The following SLMAP variants were observed in gnomAD, a reference collection of about 807,000 sequenced individuals.
The protein encoded by SLMAP is sarcolemma associated protein.
Under a neutral mutation model 128.8 loss-of-function variants are expected in SLMAP, and 44 were observed. The observed-to-expected ratio is 0.34, with a 90% CI of 0.27 to 0.44. The LOEUF (loss-of-function observed/expected upper bound fraction) is 0.44, where lower values mean the gene tolerates loss of function less well. Among genes scored for constraint, SLMAP ranks in the 20% least tolerant of loss-of-function variants. The pLI, the probability that SLMAP is intolerant of heterozygous loss-of-function variation, is 1.00. For missense variants in SLMAP, 787 were observed against 985.3 expected (o/e 0.80, Z 2.69); for synonymous variants, 327 against 348.8 (o/e 0.94, Z 0.70).
chr3:57,772,518 C>A (rs1362176054), intron 2 of SLMAP, among the ~76,000 whole-genome samples: 1 of 152,208 alleles, frequency 6.6e-6, no homozygotes, highest in Non-Finnish European at 1.5e-5. Flanking sequence ...TATACCTCAG[C>A]TTATAATGTT....
intron 13 of SLMAP, among the ~76,000 whole-genome samples, chr3:57,867,604 C>T (rs185058275): frequency 8.5e-5 from 13 of 152,098 alleles, no homozygotes; most frequent in Middle Eastern, 3.4e-3. Context: ...TAGATGTACA[C>T]GAAAACTTAG....
chr3:57,868,078 T>C (rs2095355230), intron 13 of SLMAP, among the ~76,000 whole-genome samples: 1 of 151,916 alleles, frequency 6.6e-6, no homozygotes, highest in African/African-American at 2.4e-5. Context: ...CCGAGCAACA[T>C]AGTGAGAACC....
At chr3:57,757,938 C>A in intron 2 of SLMAP, 89 bp downstream of exon 2, 1 of 1,146,834 alleles carries the variant, frequency 8.7e-7, no homozygotes, top group Non-Finnish European at 1.3e-6. Flanking sequence ...ATGCAGGATC[C>A]CAGGGTTTGC....
chr3:57,775,647 G>A (rs1302906977), intron 2 of SLMAP, among the ~76,000 whole-genome samples: 5 of 151,488 alleles, frequency 3.3e-5, no homozygotes, highest in Admixed American at 2.6e-4. Context: ...CTATGATCGC[G>A]CCACTGCACT....
At position 57,912,248 on chromosome 3, in the gene SLMAP, C is replaced by A. The variant is rs750026239; in HGVS notation, c.1700-133C>A. On this transcript the variant is annotated intron_variant, in intron 19 of 24. Coordinates refer to ENST00000671191, the MANE Select transcript of SLMAP (RefSeq NM_001377540.1). ...ATCTGTATTTTGACGCTTTCTGCAT[C>A]AAACGTGGATTGTTTATACACTTTA... 6.3e-6 allele frequency: 4 copies of A among 637,130 alleles called. No homozygotes were observed. The African/African-American group carries it at 7.2e-5, about 11-fold the overall frequency. 39.5% of individuals were successfully genotyped at this position (637,130 alleles called of 1,614,324 possible).
intron 15 of SLMAP, among the ~76,000 whole-genome samples, chr3:57,896,001 AAAAGGCTG>A (rs2096235985): frequency 6.6e-6 from 1 of 152,028 alleles, no homozygotes. Flanking sequence ...CTTTAGAAAT[AAAAGGCTG>A]TTAATTTTCT....
intron 2 of SLMAP, among the ~76,000 whole-genome samples, chr3:57,797,913 G>A (rs2087158315): frequency 6.6e-6 from 1 of 152,114 alleles, no homozygotes; most frequent in African/African-American, 2.4e-5. Flanking sequence ...CACTGCAATG[G>A]GTTCATATCC....
intron 2 of SLMAP, among the ~76,000 whole-genome samples, chr3:57,768,064 G>A (rs2080091992): frequency 2.6e-5 from 4 of 152,144 alleles, no homozygotes; most frequent in African/African-American, 7.2e-5. Flanking sequence ...GGGTATATAT[G>A]AAAATGAATG....
chr3:57,800,166 C>T (rs981089912), intron 2 of SLMAP: 1 of 152,198 alleles, frequency 6.6e-6, no homozygotes, highest in African/African-American at 2.4e-5. Flanking sequence ...GGTTTCCTTT[C>T]ATTTGTTTTT....
At chr3:57,787,286 A>G (rs1278643980) in intron 2 of SLMAP, among the ~76,000 whole-genome samples, 2 of 152,276 alleles carry the variant, frequency 1.3e-5, no homozygotes, top group South Asian at 4.2e-4. Flanking sequence ...ATGAGGTTCA[A>G]TAATAAGTTT....
chr3:57,852,003 C>T (rs1406200618), intron 6 of SLMAP, among the ~76,000 whole-genome samples: 1 of 152,014 alleles, frequency 6.6e-6, no homozygotes, highest in East Asian at 1.9e-4. Context: ...CTCCACTTCC[C>T]GGGTTCAAGC....
chr3:57,865,398 TC>T, intron 13 of SLMAP, 106 bp downstream of exon 13: 1 of 456,064 alleles, frequency 2.2e-6, no homozygotes. Flanking sequence ...AAAAGCATGC[TC>T]TCACAGATCA....
chr3:57,796,554 T>G (rs973839803), intron 2 of SLMAP, among the ~76,000 whole-genome samples: 2 of 152,218 alleles, frequency 1.3e-5, no homozygotes, highest in Admixed American at 1.3e-4. Context: ...TTAGAATATC[T>G]GCAAAGCACT....
intron 17 of SLMAP, chr3:57,899,412 C>T (rs2096315544): frequency 6.6e-6 from 1 of 152,170 alleles, no homozygotes; most frequent in Non-Finnish European, 1.5e-5. Context: ...TTTCCCTAAC[C>T]TTGCTTTACG....
At chr3:57,851,352 G>GTTT (rs11297177) in intron 6 of SLMAP, among the ~76,000 whole-genome samples, 69 of 133,342 alleles carry the variant, frequency 5.2e-4, no homozygotes, top group Middle Eastern at 7.7e-3. Context: ...GTTTTGGGTT[G>GTTT]TTTTTTTTTT....
chr3:57,825,201 C>T (rs1052994680), intron 2 of SLMAP, among the ~76,000 whole-genome samples: 1 of 149,810 alleles, frequency 6.7e-6, no homozygotes, highest in Non-Finnish European at 1.5e-5. Context: ...ACATAGTTTA[C>T]TTCGTCCTTT....
chr3:57,907,881 C>A lies in SLMAP; in HGVS notation c.1502-3C>A. On this transcript the variant is annotated splice_polypyrimidine_tract_variant and splice_region_variant and intron_variant, in intron 17 of 24. Coordinates refer to ENST00000671191, the MANE Select transcript of SLMAP (RefSeq NM_001377540.1). ...GCTTTTAAAATAAACATGTTTTTGT[C>A]AGATGACTTGCAGGGTGCACAGTCA... 2 of 1,611,226 alleles carry A rather than the reference C, an allele frequency of 1.2e-6. No individual in the cohort carries two copies. Among genetic ancestry groups the A allele is most frequent in the South Asian group, 2.2e-5 (2 of 90,554 alleles).
chr3:57,839,046 C>T (rs896744130), intron 3 of SLMAP, among the ~76,000 whole-genome samples: 7 of 151,998 alleles, frequency 4.6e-5, no homozygotes, highest in Admixed American at 4.6e-4. Flanking sequence ...CTCGAACTCC[C>T]AGGCTCAAGC....
chr3:57,915,820 C>G lies in SLMAP; in HGVS notation c.2139-1086C>G, dbSNP rs191243007. Among the ~76,000 whole-genome samples the G allele has an allele frequency of 1.4e-3, 217 of 152,280 alleles. 1 individual carries two copies. The highest frequency in any genetic ancestry group is 3.9e-3 in the South Asian group (19 of 4,826). On this transcript the variant is annotated intron_variant, in intron 21 of 24. Transcript: ENST00000671191. ...TTCTGTTCACACATATCAAGCTGTT[C>G]TCCACATATGTTGTAAGTCAGATTT...
Sources: gnomAD v4.1 joint callset for allele counts (sites outside exome capture counted in the v4.1 genomes callset) on GRCh38, gnomAD v4.1.1 for gene constraint, MANE v1.5 for transcripts, NCBI Gene and HGNC (gene_info 2026-07-23, HGNC 2026-07-21) for gene names.